The following CSMD2 variants were observed in gnomAD, a reference collection of about 807,000 sequenced individuals.
CSMD2 encodes the protein CUB and Sushi multiple domains 2, also known as CUB and sushi domain-containing protein 2.
CSMD2 carries 130 observed loss-of-function variants against 398.5 expected under a neutral mutation model. That is an observed-to-expected ratio of 0.33 (90% CI 0.28 to 0.38). The LOEUF is 0.38. Ranked by LOEUF, CSMD2 falls within the 10% of genes least tolerant of loss-of-function variation. The pLI, the probability that CSMD2 is intolerant of heterozygous loss-of-function variation, is 1.00. For synonymous variants in CSMD2, 1,828 were observed against 1,908.5 expected (o/e 0.96, Z 1.10); for missense variants, 3,829 against 4,764.9 (o/e 0.80, Z 5.78).
In CSMD2 at chr1:33,707,691, GCGCGCA is replaced by G. The variant is rs1283438206; in HGVS notation, c.3576+1392_3576+1397del. Among the ~76,000 whole-genome samples, 336 of 56,848 alleles carry G rather than the reference GCGCGCA, an allele frequency of 5.9e-3. 1 individual carries two copies. The highest frequency in any genetic ancestry group is 0.013 in the East Asian group (18 of 1,388). 37.3% of individuals were successfully genotyped at this position (56,848 alleles called of 152,430 possible). A position where few individuals can be genotyped will look rare whatever the true frequency, so the allele number is the denominator to read the frequency against. On this transcript the variant is annotated intron_variant, in intron 22 of 70. Transcript: ENST00000373381. The stretch of plus-strand genomic sequence containing the variant: ...AACACGCACGCGTGCACACGCGCGC[GCGCGCA>G]CACACACACACACACACACACACAC...
intron 1 of CSMD2, among the ~76,000 whole-genome samples, chr1:34,097,188 C>G (rs1453844001): frequency 2.0e-5 from 3 of 150,252 alleles, no homozygotes; most frequent in East Asian, 2.0e-4. Flanking sequence ...ATAAATGGTG[C>G]TGGGAAAACT....
chr1:33,928,872 T>C (rs140756402), intron 4 of CSMD2, among the ~76,000 whole-genome samples: 2 of 152,326 alleles, frequency 1.3e-5, no homozygotes, highest in East Asian at 3.9e-4. Context: ...GTGTCCAGCA[T>C]GCAGTGCCCA....
At chr1:34,012,950 G>T (rs984484127) in intron 3 of CSMD2, among the ~76,000 whole-genome samples, 1 of 152,122 alleles carries the variant, frequency 6.6e-6, no homozygotes, top group African/African-American at 2.4e-5. Context: ...TTTTCCTGGG[G>T]TTCCCATCTG....
intron 39 of CSMD2, among the ~76,000 whole-genome samples, chr1:33,616,463 C>T (rs1641393951): frequency 1.3e-5 from 2 of 152,196 alleles, no homozygotes; most frequent in Non-Finnish European, 2.9e-5. Flanking sequence ...GTCTCGAACT[C>T]CTGACTTCAA....
chr1:34,096,004 A>C (rs1041778778), intron 1 of CSMD2, among the ~76,000 whole-genome samples: 60 of 152,306 alleles, frequency 3.9e-4, no homozygotes, highest in Middle Eastern at 3.4e-3. Flanking sequence ...TGATGCAAAA[A>C]TCCTCAATAA....
chr1:33,905,296 C>G (rs1643019739), intron 5 of CSMD2, among the ~76,000 whole-genome samples: 1 of 152,062 alleles, frequency 6.6e-6, no homozygotes, highest in African/African-American at 2.4e-5. Flanking sequence ...AGCATAAAGG[C>G]TGGACAGAGA....
chr1:33,790,574 C>T (rs972256732), intron 11 of CSMD2, among the ~76,000 whole-genome samples: 1 of 152,132 alleles, frequency 6.6e-6, no homozygotes, highest in African/African-American at 2.4e-5. Context: ...TCTTAACTCA[C>T]CTGGAAGATC....
chr1:33,710,765 AACAT>A lies in CSMD2; in HGVS notation c.3407-1511_3407-1508del, dbSNP rs529877101. 1.0e-3 allele frequency among the ~76,000 whole-genome samples: 31 copies of A among 29,774 alleles called. No homozygotes were observed. The South Asian group carries it at 0.031, about 30-fold the overall frequency. The allele number at this position is 29,774 out of a possible 152,430, so 19.5% of individuals were successfully genotyped here. On this transcript the variant is annotated intron_variant, in intron 21 of 70. Coordinates refer to ENST00000373381, the MANE Select transcript of CSMD2 (RefSeq NM_001281956.2). ...AGATGGAGAACATGGAAACCTTCAG[AACAT>A]GGAAACATAAGCTGCTCATGGGCTT...
chr1:33,966,741 T>C (rs1477503787), intron 3 of CSMD2, among the ~76,000 whole-genome samples: 1 of 152,210 alleles, frequency 6.6e-6, no homozygotes, highest in Non-Finnish European at 1.5e-5. Flanking sequence ...AGATGATTTA[T>C]GAAATCATTT....
At chr1:33,561,212 A>G (rs1184849209) in intron 53 of CSMD2, among the ~76,000 whole-genome samples, 1 of 152,168 alleles carries the variant, frequency 6.6e-6, no homozygotes, top group Non-Finnish European at 1.5e-5. Flanking sequence ...TGTAAATCTC[A>G]GTAGTAGCAA....
intron 2 of CSMD2, 65 bp downstream of exon 2, chr1:34,088,912 T>A: frequency 2.3e-6 from 3 of 1,329,986 alleles, no homozygotes; most frequent in Non-Finnish European, 3.2e-6. Flanking sequence ...GAGAAAGATC[T>A]TCCTCCTAGT....
intron 19 of CSMD2, among the ~76,000 whole-genome samples, chr1:33,721,524 G>A (rs1459425087): frequency 1.3e-5 from 2 of 152,188 alleles, no homozygotes; most frequent in Non-Finnish European, 2.9e-5. Flanking sequence ...TCTAGGGATC[G>A]TGAGGGGCTG....
intron 14 of CSMD2, among the ~76,000 whole-genome samples, chr1:33,741,846 T>C (rs76500281): frequency 0.034 from 5,211 of 152,202 alleles, 147 homozygotes; most frequent in East Asian, 0.13. Context: ...ACATGACTTC[T>C]TGGCCCTCAC....
chr1:33,872,735 G>T (rs1186701591), intron 5 of CSMD2, among the ~76,000 whole-genome samples: 1 of 152,118 alleles, frequency 6.6e-6, no homozygotes, highest in African/African-American at 2.4e-5. Flanking sequence ...AATAAAATGA[G>T]GCCATTGGAC....
At chr1:33,790,794 C>T (rs1313702442) in intron 11 of CSMD2, among the ~76,000 whole-genome samples, 2 of 136,974 alleles carry the variant, frequency 1.5e-5, no homozygotes, top group East Asian at 4.5e-4. Flanking sequence ...CGTCTATCAT[C>T]TCTCTAATAT....
Position 33,636,510 on chromosome 1 carries a change from C to T in CSMD2, c.4819G>A (p.Gly1607Ser), listed in dbSNP as rs373468733. 2.1e-5 allele frequency: 34 copies of T among 1,614,028 alleles called. No individual in the cohort carries two copies. The highest frequency in any genetic ancestry group is 2.7e-5 in the African/African-American group (2 of 74,914). Residue 1607 changes from glycine (G) to serine (S), a missense_variant, in exon 30 of 71, where the codon GGC becomes AGC. Gly to Ser is a moderately conservative substitution (Grantham distance 56, BLOSUM62 0). This residue lies in a region of CSMD2 where 2,001 missense variants were observed against 2,567.1 expected (regional missense o/e 0.78). Transcript: ENST00000373381. This position sits in a 1 kb window ranked among gnomAD's most constrained non-coding sequence, Gnocchi z 4.8. ...TTCAGGTCGGACCCCACCCGTGTGC[C>T]GTTCTTGATGGAACCAGGATCAAAA... ...SCFDPGSIKN[G>S]TRVGSDLKLG...
At chr1:33,736,460 G>A (rs974827677) in intron 15 of CSMD2, among the ~76,000 whole-genome samples, 1 of 151,442 alleles carries the variant, frequency 6.6e-6, no homozygotes, top group Non-Finnish European at 1.5e-5. Context: ...CAGCCTGGGC[G>A]ACAGCAAGAC....
At chr1:33,901,930 TACTTCC>T (rs1642784318) in intron 5 of CSMD2, among the ~76,000 whole-genome samples, 2 of 152,238 alleles carry the variant, frequency 1.3e-5, no homozygotes, top group Non-Finnish European at 2.9e-5. Flanking sequence ...GGGCAGAATC[TACTTCC>T]TTTATATTAT....
intron 1 of CSMD2, among the ~76,000 whole-genome samples, chr1:34,146,683 G>C (rs760810192): frequency 6.6e-6 from 1 of 152,210 alleles, no homozygotes; most frequent in Non-Finnish European, 1.5e-5. Flanking sequence ...GGAGCAGAGA[G>C]GGGTGGAATT....
Sources: allele counts gnomAD v4.1 joint callset (sites outside exome capture counted in the v4.1 genomes callset), GRCh38; gene constraint gnomAD v4.1.1; regional missense constraint gnomAD v4.1.1; non-coding constraint Gnocchi (gnomAD v3.1); transcripts MANE v1.5; gene names NCBI Gene and HGNC (gene_info 2026-07-23, HGNC 2026-07-21).